HAVCR1: variants seen among roughly 807,000 people sequenced by gnomAD.
The protein encoded by HAVCR1 is hepatitis A virus cellular receptor 1.
In HAVCR1, 34 loss-of-function variants were observed where a neutral mutation model predicts 32.0. That is an observed-to-expected ratio of 1.06 (90% CI 0.81 to 1.42). HAVCR1 has a LOEUF of 1.42. HAVCR1 is among the 40% of genes most tolerant of loss of function. The pLI, the probability that HAVCR1 is intolerant of heterozygous loss-of-function variation, is 0.00. For missense variants in HAVCR1, 420 were observed against 442.3 expected (o/e 0.95, Z 0.45); for synonymous variants, 178 against 170.3 (o/e 1.05, Z -0.35).
chr5:157,055,090 A>T (rs2270924), intron 3 of HAVCR1, 111 bp downstream of exon 3: 382,663 of 599,868 alleles, frequency 0.64, 125,316 homozygotes, highest in East Asian at 0.85. Flanking sequence ...ACAAGAGTTT[A>T]TTTAAAAACA....
intron 7 of HAVCR1, among the ~76,000 whole-genome samples, chr5:157,035,372 G>T (rs1754464491): frequency 6.6e-6 from 1 of 152,168 alleles, no homozygotes; most frequent in African/African-American, 2.4e-5. Flanking sequence ...AACTAAATCA[G>T]TCATGGCTTC....
At chr5:157,045,939 T>C (rs1755372073) in intron 5 of HAVCR1, among the ~76,000 whole-genome samples, 1 of 152,228 alleles carries the variant, frequency 6.6e-6, no homozygotes, top group Non-Finnish European at 1.5e-5. Context: ...TCCCCACTCC[T>C]ACTTTCTTCC....
At chr5:157,058,020 A>C (rs1474758434) in intron 1 of HAVCR1, 65 bp from the exon 2 acceptor site, 2 of 1,119,478 alleles carry the variant, frequency 1.8e-6, no homozygotes, top group African/African-American at 3.0e-5. Flanking sequence ...ATCAAGTCTT[A>C]AATCTCAGAT....
upstream of HAVCR1, among the ~76,000 whole-genome samples, chr5:157,060,378 C>G (rs891983854): frequency 7.9e-5 from 12 of 152,100 alleles, no homozygotes; most frequent in Non-Finnish European, 1.6e-4. Flanking sequence ...TTGCCTCAAC[C>G]CTAAGGCCTT....
At chr5:157,063,337 G>T (rs573951221), upstream of HAVCR1, among the ~76,000 whole-genome samples, 30 of 146,970 alleles carry the variant, frequency 2.0e-4, no homozygotes, top group Non-Finnish European at 3.9e-4. Flanking sequence ...CCAGGCTGGA[G>T]GGCAATGGCA....
At chr5:157,037,068 C>T (rs1278444495) in intron 7 of HAVCR1, among the ~76,000 whole-genome samples, 179 bp downstream of exon 7, 1 of 152,116 alleles carries the variant, frequency 6.6e-6, no homozygotes, top group Non-Finnish European at 1.5e-5. Flanking sequence ...TGCATTTAAA[C>T]TTCATTTCCC....
At chr5:157,057,449 AAGAAAGAAAG>A (rs1561606249) in intron 2 of HAVCR1, among the ~76,000 whole-genome samples, 3 of 114,846 alleles carry the variant, frequency 2.6e-5, no homozygotes, top group African/African-American at 9.1e-5. Flanking sequence ...GAAAGAAAGA[AAGAAAGAAAG>A]AAAGAGAATT....
In HAVCR1 at chr5:157,042,714, T is replaced by C. The variant is rs781350462; in HGVS notation, c.782-32A>G. On this transcript the variant is annotated intron_variant, in intron 5 of 8. Transcript: ENST00000523175. Reference sequence around the variant, plus strand: ...AACAAGAAGGAAATTTAATTAGAATTACAAAAAATATTGAATTTTCACTGC... The same window carrying C: ...AACAAGAAGGAAATTTAATTAGAATCACAAAAAATATTGAATTTTCACTGC... 47 of 1,324,288 alleles carry C rather than the reference T, an allele frequency of 3.5e-5. No individual in the cohort carries two copies. The South Asian group carries it at 5.7e-4, about 16-fold the overall frequency. The allele number at this position is 1,324,288 out of a possible 1,614,324, so 82.0% of individuals were successfully genotyped here. A position where few individuals can be genotyped will look rare whatever the true frequency, so the allele number is the denominator to read the frequency against.
At chr5:157,046,587 T>C (rs936721310) in intron 5 of HAVCR1, among the ~76,000 whole-genome samples, 3 of 152,224 alleles carry the variant, frequency 2.0e-5, no homozygotes, top group Non-Finnish European at 2.9e-5. Context: ...CTGTTCAGGC[T>C]GCTATGATAA....
intron 2 of HAVCR1, among the ~76,000 whole-genome samples, chr5:157,055,765 A>T (rs1756092208): frequency 1.3e-5 from 2 of 151,690 alleles, no homozygotes. Context: ...TCAGGAGGCT[A>T]AGGCAGGGAG....
At chr5:157,056,981 GA>G (rs1756193117) in intron 2 of HAVCR1, among the ~76,000 whole-genome samples, 1 of 152,010 alleles carries the variant, frequency 6.6e-6, no homozygotes, top group South Asian at 2.1e-4. Flanking sequence ...TGAGGTGGGA[GA>G]ATCACTTGAG....
intron 5 of HAVCR1, among the ~76,000 whole-genome samples, chr5:157,048,191 G>C (rs374271376): frequency 1.2e-3 from 182 of 152,214 alleles, no homozygotes; most frequent in African/African-American, 4.3e-3. Context: ...TACTTTTTGG[G>C]GTCTGGGACT....
At position 157,053,740 on chromosome 5, in the gene HAVCR1, C is replaced by T. The variant is rs558350536; in HGVS notation, c.380-1086G>A. ...CAAAAATTAGCCAGGCATGGTGGTG[C>T]GCACCTGTAGTCCCAGCTACTCAGG... On this transcript the variant is annotated intron_variant, in intron 3 of 8. Transcript: ENST00000523175. 1.2e-3 allele frequency among the ~76,000 whole-genome samples: 183 copies of T among 152,038 alleles called. 1 individual carries two copies. Among genetic ancestry groups the T allele is most frequent in the African/African-American group, 4.2e-3 (176 of 41,484 alleles).
At chr5:157,066,041 G>C in the HAVCR1 span, among the ~76,000 whole-genome samples, 184 of 95,032 alleles carry the variant, frequency 1.9e-3, 1 homozygote, top group Admixed American at 4.6e-3. Flanking sequence ...GGGCGAGAGA[G>C]CGAGACTCCG....
At chr5:157,049,192 G>T (rs758281198) in intron 4 of HAVCR1, 47 bp from the exon 5 acceptor site, 6 of 1,141,834 alleles carry the variant, frequency 5.3e-6, no homozygotes, top group Admixed American at 1.7e-5. Flanking sequence ...GGAGGAAAAT[G>T]TGCACCCCAA....
the HAVCR1 span, among the ~76,000 whole-genome samples, chr5:157,064,582 A>G: frequency 1.3e-5 from 2 of 152,152 alleles, no homozygotes; most frequent in African/African-American, 2.4e-5. Flanking sequence ...GGAGAGCTGC[A>G]AAGGCTGGGC....
the HAVCR1 span, among the ~76,000 whole-genome samples, chr5:157,067,992 TCAAAA>T: frequency 2.0e-5 from 3 of 147,920 alleles, no homozygotes; most frequent in Admixed American, 2.0e-4. Context: ...AGACCCGTTC[TCAAAA>T]CAAAACAGCC....
At position 157,055,210 on chromosome 5, in the gene HAVCR1, T is replaced by C. The variant is rs1756038176; in HGVS notation, c.370A>G (p.Ile124Val). Residue 124 changes from isoleucine (I) to valine (V), a missense_variant, in exon 3 of 9, where the codon ATT (isoleucine) becomes GTT (valine). Physicochemically the swap from Ile to Val is conservative, Grantham distance 29 (BLOSUM62 3). Transcript: ENST00000523175. ...NDMKITVSLE[I>V]VPPKVTTTPI... ...TCAAAGAAAAACTTACGTGGCACAA[T>C]CTCCAATGATACGGTGATTTTCATG... The C allele has an allele frequency of 6.6e-7, 1 of 1,509,586 alleles. No homozygotes were observed. Among genetic ancestry groups the C allele is most frequent in the Non-Finnish European group, 9.0e-7 (1 of 1,107,692 alleles). 93.5% of individuals were successfully genotyped at this position (1,509,586 alleles called of 1,614,324 possible). A position where few individuals can be genotyped will look rare whatever the true frequency, so the allele number is the denominator to read the frequency against.
chr5:157,041,244 T>C (rs1228905635), intron 6 of HAVCR1, among the ~76,000 whole-genome samples: 1 of 152,190 alleles, frequency 6.6e-6, no homozygotes, highest in African/African-American at 2.4e-5. Context: ...ACGCCTGTAA[T>C]TCCAGCACTT....
Sources: gnomAD v4.1 joint callset for allele counts (sites outside exome capture counted in the v4.1 genomes callset) on GRCh38, gnomAD v4.1.1 for gene constraint, MANE v1.5 for transcripts, NCBI Gene and HGNC (gene_info 2026-07-23, HGNC 2026-07-21) for gene names.